The following PPP1R14C variants were observed in gnomAD, a reference collection of about 807,000 sequenced individuals.
PPP1R14C encodes the protein protein phosphatase 1 regulatory subunit 14C.
A neutral mutation model predicts 20.4 loss-of-function variants in PPP1R14C; 16 were observed. That is an observed-to-expected ratio of 0.78 (90% CI 0.53 to 1.19). The LOEUF (loss-of-function observed/expected upper bound fraction) is 1.19. PPP1R14C is among the 50% of genes most tolerant of loss of function. The pLI is 0.00. For synonymous variants in PPP1R14C, 91 were observed against 91.0 expected, an observed-to-expected ratio of 1.00 and a Z score of 0.00; for missense variants, 211 against 220.1, an observed-to-expected ratio of 0.96 and a Z score of 0.26.
At chr6:150,153,017 C>T (rs553857525) in intron 1 of PPP1R14C, among the ~76,000 whole-genome samples, 1 of 152,328 alleles carries the variant, frequency 6.6e-6, no homozygotes, top group Admixed American at 6.5e-5. Flanking sequence ...CACTGCCATG[C>T]AAGGGCACAG....
intron 1 of PPP1R14C, among the ~76,000 whole-genome samples, chr6:150,166,078 C>CT (rs373832861): frequency 0.012 from 1,695 of 143,662 alleles, 30 homozygotes; most frequent in African/African-American, 0.037. Flanking sequence ...TCTTCTTCTT[C>CT]TTTTTTTTTT....
chr6:150,174,310 C>T (rs1729426605), intron 1 of PPP1R14C, among the ~76,000 whole-genome samples: 1 of 152,100 alleles, frequency 6.6e-6, no homozygotes, highest in Non-Finnish European at 1.5e-5. Flanking sequence ...AGCTCTGCCT[C>T]CTGGGTTCAC....
rs1216146263 is a variant in PPP1R14C, at chr6:150,149,443, A to ATTTTTTTTTTTTTTTTTT, written c.306+5956_306+5957insTTTTTTTTTTTTTTTTTT. 6.7e-5 allele frequency among the ~76,000 whole-genome samples: 8 copies of ATTTTTTTTTTTTTTTTTT among 119,946 alleles called. 1 individual carries two copies. Among genetic ancestry groups the ATTTTTTTTTTTTTTTTTT allele is most frequent in the African/African-American group, 2.6e-4 (8 of 30,308 alleles). 78.7% of individuals were successfully genotyped at this position (119,946 alleles called of 152,430 possible). A position where few individuals can be genotyped will look rare whatever the true frequency, so the allele number is the denominator to read the frequency against. On this transcript the variant is annotated intron_variant, in intron 1 of 3. Transcript: ENST00000361131. Reference sequence around the variant, plus strand: ...CAGGCTCAAGTGATCCTCCCACCTAATTTTTTTTTTTCTTTTTTTTTTTTT... The same window carrying ATTTTTTTTTTTTTTTTTT: ...CAGGCTCAAGTGATCCTCCCACCTAATTTTTTTTTTTTTTTTTTTTTTTTTTTTTCTTTTTTTTTTTTT...
intron 3 of PPP1R14C, among the ~76,000 whole-genome samples, chr6:150,239,827 T>C (rs1778410173): frequency 2.0e-5 from 3 of 152,050 alleles, no homozygotes; most frequent in Admixed American, 1.3e-4. Context: ...CCAAGGCGGG[T>C]GGATCACTTG....
In PPP1R14C at chr6:150,249,973, A is replaced by T. The variant is rs971368172; in HGVS notation, c.*1153A>T. On this transcript the variant is annotated 3_prime_UTR_variant, in exon 4 of 4. Coordinates refer to ENST00000361131, the MANE Select transcript of PPP1R14C (RefSeq NM_030949.3). Reference sequence around the variant, plus strand: ...AGGACTCTGGGTGCTCCTGGCCCTAATTGTGCACCCTGATCCCCGTGCTTG... The same window carrying T: ...AGGACTCTGGGTGCTCCTGGCCCTATTTGTGCACCCTGATCCCCGTGCTTG... The T allele has an allele frequency of 6.4e-6, 1 of 155,358 alleles. No homozygotes were observed. Among genetic ancestry groups the T allele is most frequent in the Non-Finnish European group, 1.4e-5 (1 of 70,242 alleles). The allele number at this position is 155,358 out of a possible 1,614,324, so 9.6% of individuals were successfully genotyped here.
At chr6:150,176,836 G>C (rs185705706) in intron 1 of PPP1R14C, among the ~76,000 whole-genome samples, 1 of 152,216 alleles carries the variant, frequency 6.6e-6, no homozygotes, top group African/African-American at 2.4e-5. Context: ...CCTGTTCATC[G>C]TGTGGGAGAC....
Position 150,208,094 on chromosome 6 carries a change from G to C in PPP1R14C, c.307-6650G>C, listed in dbSNP as rs576799772. 2.0e-5 allele frequency among the ~76,000 whole-genome samples: 3 copies of C among 152,196 alleles called. No homozygotes were observed. In the South Asian group the frequency reaches 6.3e-4, roughly 32 times the overall value. On this transcript the variant is annotated intron_variant, in intron 1 of 3. Transcript: ENST00000361131. The stretch of plus-strand genomic sequence containing the variant: ...AGAACAGTGTTAATGCACGCATGAG[G>C]GTGTGCCCCCATGACCTAATCACCT...
chr6:150,211,662 G>A (rs1778025924), intron 1 of PPP1R14C, among the ~76,000 whole-genome samples: 1 of 152,172 alleles, frequency 6.6e-6, no homozygotes, highest in Admixed American at 6.5e-5. Flanking sequence ...AGAATATTAA[G>A]TACCAATTTA....
intron 3 of PPP1R14C, among the ~76,000 whole-genome samples, chr6:150,222,465 G>T (rs140737774): frequency 6.6e-6 from 1 of 151,994 alleles, no homozygotes; most frequent in South Asian, 2.1e-4. Context: ...ATTATCGCCC[G>T]AAGTCCACGG....
chr6:150,225,971 G>A (rs1778225427), intron 3 of PPP1R14C, among the ~76,000 whole-genome samples: 1 of 152,176 alleles, frequency 6.6e-6, no homozygotes, highest in Admixed American at 6.5e-5. Context: ...TAATTTCCCA[G>A]AAGTGATATT....
In PPP1R14C at chr6:150,153,871, C is replaced by T. The variant is rs929718774; in HGVS notation, c.306+10373C>T. Among the ~76,000 whole-genome samples, 3 of 152,208 alleles carry T rather than the reference C, an allele frequency of 2.0e-5. No individual in the cohort carries two copies. The East Asian group carries it at 5.8e-4, about 29-fold the overall frequency. ...TGTGGAGGGCTGGAATATTCATTCA[C>T]TCACTCATTCATTTATTTGTTCAAC... On this transcript the variant is annotated intron_variant, in intron 1 of 3. Coordinates refer to ENST00000361131, the MANE Select transcript of PPP1R14C (RefSeq NM_030949.3).
chr6:150,156,638 T>A (rs1316470656), intron 1 of PPP1R14C, among the ~76,000 whole-genome samples: 2 of 152,222 alleles, frequency 1.3e-5, no homozygotes, highest in Non-Finnish European at 2.9e-5. Context: ...AACTGGTTTT[T>A]CTCATGTTTG....
rs531433094 is a variant in PPP1R14C at position 150,193,373 on chromosome 6, C to T, written c.307-21371C>T. On this transcript the variant is annotated intron_variant, in intron 1 of 3. Transcript: ENST00000361131. ...TCAGTGGTCCCCAAATGCCACACTA[C>T]TCAGAAAGACAGGAAAACAAGAAAA... 3.9e-5 allele frequency among the ~76,000 whole-genome samples: 6 copies of T among 151,930 alleles called. No individual in the cohort carries two copies. The South Asian group carries it at 1.3e-3, about 32-fold the overall frequency.
rs7770786 is a variant in PPP1R14C, at chr6:150,144,671, C to T, written c.306+1173C>T. On this transcript the variant is annotated intron_variant, in intron 1 of 3. Transcript: ENST00000361131. ...CATTTCATGGCCTGTTGTGAAGACACGTTTTCTTAAACACCCTCATTGCAC... is the reference window on the plus strand; with the variant it reads ...CATTTCATGGCCTGTTGTGAAGACATGTTTTCTTAAACACCCTCATTGCAC... Among the ~76,000 whole-genome samples the T allele has an allele frequency of 6.5e-3, 997 of 152,318 alleles. 12 individuals carry two copies. Among genetic ancestry groups the T allele is most frequent in the African/African-American group, 0.023 (949 of 41,558 alleles).
At chr6:150,194,856 C>T (rs185683105) in intron 1 of PPP1R14C, 1 of 985,260 alleles carries the variant, frequency 1.0e-6, no homozygotes, top group Admixed American at 6.1e-5. Context: ...TGAGTACTTA[C>T]ACATGTTGAA....
At chr6:150,236,016 GCTTAATAATAAAGA>G (rs1438369252) in intron 3 of PPP1R14C, among the ~76,000 whole-genome samples, 2 of 152,172 alleles carry the variant, frequency 1.3e-5, no homozygotes, top group Non-Finnish European at 2.9e-5. Flanking sequence ...TAACCCGGTT[GCTTAATAATAAAGA>G]CTTCTCACCC....
At chr6:150,153,449 T>G (rs1316511854) in intron 1 of PPP1R14C, among the ~76,000 whole-genome samples, 1 of 152,244 alleles carries the variant, frequency 6.6e-6, no homozygotes, top group Non-Finnish European at 1.5e-5. Context: ...ACTGCCATTC[T>G]CTGTAATTTT....
intron 3 of PPP1R14C, among the ~76,000 whole-genome samples, chr6:150,229,849 C>G (rs1562275309): frequency 6.6e-6 from 1 of 152,092 alleles, no homozygotes; most frequent in South Asian, 2.1e-4. Flanking sequence ...GCAAATGAAC[C>G]TCTCGAAAGA....
intron 3 of PPP1R14C, among the ~76,000 whole-genome samples, chr6:150,241,154 A>G (rs1582935270): frequency 6.6e-6 from 1 of 152,178 alleles, no homozygotes. Flanking sequence ...GGGGCTGGAC[A>G]TAGGGTTAAT....
Sources: allele counts gnomAD v4.1 joint callset (sites outside exome capture counted in the v4.1 genomes callset), GRCh38; gene constraint gnomAD v4.1.1; transcripts MANE v1.5; gene names NCBI Gene and HGNC (gene_info 2026-07-23, HGNC 2026-07-21).